NELL1: variants seen among roughly 807,000 people sequenced by gnomAD.
NELL1 encodes neural EGFL like 1.
In NELL1, 76 loss-of-function variants were observed where a neutral mutation model predicts 107.4. That is an observed-to-expected ratio of 0.71 (90% confidence interval 0.59 to 0.86). The LOEUF (loss-of-function observed/expected upper bound fraction) is 0.86. NELL1 is among the 40% of genes least tolerant of loss of function. The probability of loss-of-function intolerance (pLI) is 0.00; values close to 1 mark genes in which losing one functional copy is unlikely to be tolerated. For missense variants in NELL1, 1,024 were observed against 1,005.5 expected (o/e 1.02, Z -0.25); for synonymous variants, 353 against 341.2 (o/e 1.03, Z -0.38).
chr11:21,306,519 C>T (rs1849607829), intron 14 of NELL1, among the ~76,000 whole-genome samples: 1 of 152,036 alleles, frequency 6.6e-6, no homozygotes, highest in South Asian at 2.1e-4. Context: ...GGAACCTCTG[C>T]ACTAATTGCA....
At chr11:20,766,337 C>G (rs16906776) in intron 2 of NELL1, among the ~76,000 whole-genome samples, 29,720 of 152,136 alleles carry the variant, frequency 0.2, 3,023 homozygotes, top group East Asian at 0.3. Flanking sequence ...CAGATAGTGC[C>G]TCAAAGAGGA....
chr11:20,947,629 C>T (rs1030798421), intron 11 of NELL1, among the ~76,000 whole-genome samples, 194 bp downstream of exon 11: 1 of 152,190 alleles, frequency 6.6e-6, no homozygotes, highest in Non-Finnish European at 1.5e-5. Context: ...ATAATAGTAT[C>T]TACTTTGTAA....
At chr11:21,040,524 G>A (rs1156382940) in intron 12 of NELL1, among the ~76,000 whole-genome samples, 1 of 152,130 alleles carries the variant, frequency 6.6e-6, no homozygotes, top group Non-Finnish European at 1.5e-5. Flanking sequence ...TCATGGATTT[G>A]TTGGTAGTCC....
At chr11:21,259,355 C>T (rs1858847466) in intron 14 of NELL1, among the ~76,000 whole-genome samples, 1 of 151,778 alleles carries the variant, frequency 6.6e-6, no homozygotes, top group African/African-American at 2.4e-5. Flanking sequence ...AGAGAAGTGG[C>T]CTTATTTCCT....
At chr11:21,430,104 C>T (rs1322087701) in intron 15 of NELL1, among the ~76,000 whole-genome samples, 3 of 152,084 alleles carry the variant, frequency 2.0e-5, no homozygotes, top group Non-Finnish European at 4.4e-5. Flanking sequence ...AATGTGAATC[C>T]ATAAGCAAGT....
intron 2 of NELL1, among the ~76,000 whole-genome samples, chr11:20,701,079 G>A (rs955467773): frequency 2.2e-4 from 34 of 152,130 alleles, no homozygotes; most frequent in Admixed American, 1.8e-3. Flanking sequence ...TTGAGGAATC[G>A]CCACACTGTC....
intron 16 of NELL1, among the ~76,000 whole-genome samples, chr11:21,555,721 T>C (rs1047032520): frequency 6.6e-6 from 1 of 151,932 alleles, no homozygotes; most frequent in Non-Finnish European, 1.5e-5. Context: ...GCATCTCAAA[T>C]AGATGAAGCT....
At position 21,071,546 on chromosome 11, in the gene NELL1, G is replaced by A. The variant is rs187663747; in HGVS notation, c.1301-42043G>A. ...ATATGTTTAAAATGACATTTCCGAA[G>A]GCAGCCTCCTAAACTTCAATGCCCT... is the stretch of plus-strand genomic sequence containing the variant. On this transcript the variant is annotated intron_variant, in intron 12 of 19. Coordinates refer to ENST00000357134, the MANE Select transcript of NELL1 (RefSeq NM_006157.5). Among the ~76,000 whole-genome samples, 1,393 of 152,278 alleles carry A rather than the reference G, an allele frequency of 9.1e-3. 12 individuals are homozygous for A. Among genetic ancestry groups the A allele is most frequent in the Middle Eastern group, 0.014 (4 of 294 alleles).
chr11:21,033,179 T>G (rs1853004444), intron 12 of NELL1, among the ~76,000 whole-genome samples: 1 of 152,184 alleles, frequency 6.6e-6, no homozygotes, highest in East Asian at 1.9e-4. Flanking sequence ...TTATTATGAT[T>G]TATCCAGGTG....
chr11:20,690,337 T>G (rs1854428977), intron 2 of NELL1, among the ~76,000 whole-genome samples: 2 of 152,238 alleles, frequency 1.3e-5, no homozygotes, highest in Admixed American at 1.3e-4. Context: ...TTTTGGTGTT[T>G]TAGACATGAA....
intron 15 of NELL1, among the ~76,000 whole-genome samples, chr11:21,424,441 T>A (rs1049975846): frequency 6.6e-6 from 1 of 152,024 alleles, no homozygotes; most frequent in African/African-American, 2.4e-5. Context: ...GCCAACATGG[T>A]GAAACCCCAT....
At chr11:21,316,004 C>T (rs1385392597) in intron 14 of NELL1, among the ~76,000 whole-genome samples, 1 of 151,932 alleles carries the variant, frequency 6.6e-6, no homozygotes, top group Non-Finnish European at 1.5e-5. Context: ...TATATTCTTT[C>T]CATAAGTTTT....
intron 15 of NELL1, among the ~76,000 whole-genome samples, chr11:21,516,740 T>TACACACACAC (rs113449367): frequency 4.3e-4 from 61 of 142,000 alleles, no homozygotes; most frequent in African/African-American, 1.6e-3. Flanking sequence ...CACACACACA[T>TACACACACAC]ACACACACAC....
intron 13 of NELL1, among the ~76,000 whole-genome samples, chr11:21,204,964 C>A (rs560041938): frequency 6.6e-6 from 1 of 152,240 alleles, no homozygotes; most frequent in African/African-American, 2.4e-5. Context: ...AAGATTGCTG[C>A]GTGTTCCTTC....
At chr11:21,151,513 G>A (rs1046913208) in intron 13 of NELL1, among the ~76,000 whole-genome samples, 1 of 152,118 alleles carries the variant, frequency 6.6e-6, no homozygotes, top group Non-Finnish European at 1.5e-5. Context: ...ATCTTGTGGA[G>A]TACTTCAGCC....
At chr11:21,246,540 C>G (rs1480233292) in intron 14 of NELL1, among the ~76,000 whole-genome samples, 1 of 152,104 alleles carries the variant, frequency 6.6e-6, no homozygotes, top group Admixed American at 6.5e-5. Context: ...ATACAGTGTA[C>G]TTACACAAAC....
intron 12 of NELL1, among the ~76,000 whole-genome samples, chr11:21,102,216 C>A (rs1854837728): frequency 6.6e-6 from 1 of 152,176 alleles, no homozygotes; most frequent in African/African-American, 2.4e-5. Context: ...GTCTTTTAAA[C>A]ATTTTTACCT....
In NELL1 at chr11:21,405,417, A is replaced by G. The variant is rs142556458; in HGVS notation, c.1645+34469A>G. 7.9e-5 allele frequency among the ~76,000 whole-genome samples: 12 copies of G among 152,010 alleles called. No homozygotes were observed. The East Asian group carries it at 2.1e-3, about 27-fold the overall frequency. ...TCCAATTTTTTCTGTTGTGTTTATT[A>G]TTTCAGATTTGTCACTGTGTTCTGT... On this transcript the variant is annotated intron_variant, in intron 15 of 19. Transcript: ENST00000357134.
intron 14 of NELL1, among the ~76,000 whole-genome samples, chr11:21,289,476 T>C (rs1262737868): frequency 6.6e-6 from 1 of 152,210 alleles, no homozygotes; most frequent in Non-Finnish European, 1.5e-5. Context: ...CAGTGCATTC[T>C]GACCCAGATA....
Sources: allele counts gnomAD v4.1 joint callset (sites outside exome capture counted in the v4.1 genomes callset), GRCh38; gene constraint gnomAD v4.1.1; transcripts MANE v1.5; gene names NCBI Gene and HGNC (gene_info 2026-07-23, HGNC 2026-07-21).